SFMBT1: variants seen among roughly 807,000 people sequenced by gnomAD.
The protein encoded by SFMBT1 is scm-like with four MBT domains protein 1.
Under a neutral mutation model 108.7 loss-of-function variants are expected in SFMBT1, and 32 were observed. The ratio of observed to expected loss-of-function variants is 0.29; its 90% confidence interval spans 0.22 to 0.40. The LOEUF (loss-of-function observed/expected upper bound fraction) is 0.40. Among genes scored for constraint, SFMBT1 ranks in the 10% least tolerant of loss-of-function variants. SFMBT1 has a pLI of 1.00. For missense variants in SFMBT1, 816 were observed against 1,059.6 expected (o/e 0.77, Z 3.19); for synonymous variants, 348 against 369.5 (o/e 0.94, Z 0.67).
chr3:52,991,342 CTTTTTTTTTT>C, intron 1 of SFMBT1, among the ~76,000 whole-genome samples: 1 of 91,218 alleles, frequency 1.1e-5, no homozygotes, highest in Admixed American at 1.3e-4. Flanking sequence ...GCTGAAACTT[CTTTTTTTTTT>C]TTTTTTTTTG....
In SFMBT1 at chr3:52,910,987, G is replaced by A; in HGVS notation, c.1906+16C>T. ...GTCAGCTGCTATGGTTAACACATTGGAAAAACATGACTCACTGTATTTGGT... is the reference window on the plus strand; with the variant it reads ...GTCAGCTGCTATGGTTAACACATTGAAAAAACATGACTCACTGTATTTGGT... On this transcript the variant is annotated intron_variant, in intron 17 of 20. Transcript: ENST00000394752. 1 of 1,613,464 alleles carries A rather than the reference G, an allele frequency of 6.2e-7. No individual in the cohort carries two copies. The highest frequency in any genetic ancestry group is 8.5e-7 in the Non-Finnish European group (1 of 1,179,478).
intron 13 of SFMBT1, 42 bp downstream of exon 13, chr3:52,918,442 A>G: frequency 6.8e-7 from 1 of 1,462,524 alleles, no homozygotes; most frequent in Non-Finnish European, 9.2e-7. Flanking sequence ...ATTTTTCTAG[A>G]TATTCTAACT....
At chr3:53,001,987 ACTGC>A (rs1698574325) in intron 1 of SFMBT1, among the ~76,000 whole-genome samples, 1 of 147,906 alleles carries the variant, frequency 6.8e-6, no homozygotes, top group Admixed American at 6.9e-5. Flanking sequence ...ATGAAAGATT[ACTGC>A]CTGTTTTGAA....
In SFMBT1 at chr3:52,915,609, C is replaced by T. The variant is rs568677380; in HGVS notation, c.1480+541G>A. 5.9e-5 allele frequency among the ~76,000 whole-genome samples: 9 copies of T among 152,260 alleles called. No individual in the cohort carries two copies. In the South Asian group the frequency reaches 1.0e-3, roughly 18 times the overall value. On this transcript the variant is annotated intron_variant, in intron 14 of 20. Coordinates refer to ENST00000394752, the MANE Select transcript of SFMBT1 (RefSeq NM_016329.4). ...GATGCTAAACATTACACAACAAGCA[C>T]GTGGAAGTTAAGAATAGTTCAAGAG...
intron 8 of SFMBT1, chr3:52,928,629 T>TATAC (rs1702749474): frequency 2.1e-5 from 1 of 47,072 alleles, no homozygotes; most frequent in South Asian, 1.2e-3. Flanking sequence ...CATATATACA[T>TATAC]ATATATACAT....
At position 52,926,108 on chromosome 3, in the gene SFMBT1, G is replaced by A. The variant is rs375778606; in HGVS notation, c.1054C>T (p.Pro352Ser). Reference protein sequence around the residue: ...GLHISPPPGYPSQDFDWADYL... With the variant: ...GLHISPPPGYSSQDFDWADYL... ...TCAGCCCAGTCAAAGTCCTGGCTTG[G>A]GTAGCCTAGGTGGGGACAAATGAAC... The change falls in exon 10 of 21, where the codon CCA (proline) becomes TCA (serine). Residue 352 changes from proline (P) to serine (S), a missense_variant. Physicochemically the swap from Pro to Ser is moderately conservative, Grantham distance 74. Coordinates refer to ENST00000394752, the MANE Select transcript of SFMBT1 (RefSeq NM_016329.4). 1 of 1,604,910 alleles carries A rather than the reference G, an allele frequency of 6.2e-7. No individual in the cohort carries two copies. The highest frequency in any genetic ancestry group is 2.3e-5 in the East Asian group (1 of 43,718).
chr3:53,030,613 T>C (rs969235895), intron 1 of SFMBT1, among the ~76,000 whole-genome samples: 3 of 148,224 alleles, frequency 2.0e-5, no homozygotes, highest in African/African-American at 5.0e-5. Flanking sequence ...ACTGGAGGGA[T>C]TGGGAGTTTG....
intron 1 of SFMBT1, among the ~76,000 whole-genome samples, chr3:53,008,843 G>A (rs956304029): frequency 1.3e-5 from 2 of 151,988 alleles, no homozygotes; most frequent in African/African-American, 4.8e-5. Context: ...CACCGTGTTA[G>A]CCAGGATGGT....
intron 1 of SFMBT1, among the ~76,000 whole-genome samples, chr3:52,994,754 C>T (rs1206068195): frequency 2.7e-5 from 4 of 150,264 alleles, no homozygotes; most frequent in Non-Finnish European, 4.5e-5. Flanking sequence ...CCCACCTTGG[C>T]TTCCCAAAGT....
rs1348284477 is a variant in SFMBT1, at chr3:53,045,821, C to T, written c.-136G>A. 3.3e-5 allele frequency: 5 copies of T among 150,558 alleles called. No homozygotes were observed. Among genetic ancestry groups the T allele is most frequent in the Admixed American group, 3.3e-4 (5 of 15,162 alleles). The allele number at this position is 150,558 out of a possible 1,614,324, so 9.3% of individuals were successfully genotyped here. A position where few individuals can be genotyped will look rare whatever the true frequency, so the allele number is the denominator to read the frequency against. On this transcript the variant is annotated 5_prime_UTR_variant, in exon 1 of 21. Coordinates refer to ENST00000394752, the MANE Select transcript of SFMBT1 (RefSeq NM_016329.4). ...CGGTGGCCCCGCTTTTTTACCTGCC[C>T]GGAGTTTTCGCGCGCGCGCTCGCTC... is the stretch of plus-strand genomic sequence containing the variant.
At chr3:52,973,263 A>T (rs1187107868) in intron 1 of SFMBT1, among the ~76,000 whole-genome samples, 1 of 152,046 alleles carries the variant, frequency 6.6e-6, no homozygotes, top group African/African-American at 2.4e-5. Context: ...AAATAAATAA[A>T]TTCTCATGAA....
chr3:53,013,390 T>C (rs1214291464), intron 1 of SFMBT1, among the ~76,000 whole-genome samples: 2 of 151,496 alleles, frequency 1.3e-5, no homozygotes, highest in Non-Finnish European at 2.9e-5. Context: ...TAACTCTTAG[T>C]GGTATTGTAT....
intron 6 of SFMBT1, among the ~76,000 whole-genome samples, chr3:52,931,428 A>ATATT (rs1403333587): frequency 2.0e-5 from 3 of 152,114 alleles, no homozygotes; most frequent in Non-Finnish European, 2.9e-5. Context: ...ACCTAGCTAA[A>ATATT]TGCTCCCTAG....
At chr3:52,993,085 T>A (rs1393812073) in intron 1 of SFMBT1, among the ~76,000 whole-genome samples, 1 of 152,140 alleles carries the variant, frequency 6.6e-6, no homozygotes, top group Non-Finnish European at 1.5e-5. Flanking sequence ...GAAAATATAA[T>A]GCTGTATCAG....
chr3:53,025,969 G>C (rs1699476770), intron 1 of SFMBT1, among the ~76,000 whole-genome samples: 1 of 152,184 alleles, frequency 6.6e-6, no homozygotes, highest in African/African-American at 2.4e-5. Flanking sequence ...CTCAGTGTTG[G>C]GCTGTGTTTT....
chr3:52,905,310 G>A, intron 20 of SFMBT1, 34 bp from the exon 21 acceptor site: 1 of 1,603,138 alleles, frequency 6.2e-7, no homozygotes, highest in South Asian at 1.1e-5. Context: ...TATCTGTGAT[G>A]TGCACATGAA....
chr3:53,026,824 G>GT (rs769559835), intron 1 of SFMBT1, among the ~76,000 whole-genome samples: 1 of 152,172 alleles, frequency 6.6e-6, no homozygotes, highest in Non-Finnish European at 1.5e-5. Flanking sequence ...TAGAGACAGG[G>GT]TTTTGCCCTG....
intron 1 of SFMBT1, among the ~76,000 whole-genome samples, chr3:53,037,135 G>A (rs979816196): frequency 1.3e-5 from 2 of 152,222 alleles, no homozygotes; most frequent in African/African-American, 4.8e-5. Context: ...GGCTAGGAGA[G>A]GAGCTAGGGT....
At chr3:52,966,664 C>T (rs1704162427) in intron 2 of SFMBT1, among the ~76,000 whole-genome samples, 2 of 146,012 alleles carry the variant, frequency 1.4e-5, no homozygotes, top group African/African-American at 5.0e-5. Context: ...AGAAAATTCT[C>T]TAAATAGAAA....
Sources: allele counts gnomAD v4.1 joint callset (sites outside exome capture counted in the v4.1 genomes callset), GRCh38; gene constraint gnomAD v4.1.1; transcripts MANE v1.5; gene names NCBI Gene and HGNC (gene_info 2026-07-23, HGNC 2026-07-21).